Variants in LARP4B observed in about 807,000 individuals in gnomAD.
LARP4B encodes the protein La ribonucleoprotein 4B.
In LARP4B, 12 loss-of-function variants were observed where a neutral mutation model predicts 89.8. The observed-to-expected ratio is 0.13, with a 90% CI of 0.09 to 0.22. The LOEUF (loss-of-function observed/expected upper bound fraction) is 0.22, where lower values mean the gene tolerates loss of function less well. Among genes scored for constraint, LARP4B ranks in the 10% least tolerant of loss-of-function variants. The probability of loss-of-function intolerance (pLI) is 1.00; values close to 1 mark genes in which losing one functional copy is unlikely to be tolerated. For synonymous variants in LARP4B, 367 were observed against 363.3 expected (o/e 1.01, Z -0.12); for missense variants, 757 against 947.7 (o/e 0.80, Z 2.64).
At chr10:961,005 G>A in the LARP4B span, among the ~76,000 whole-genome samples, 40 of 152,278 alleles carry the variant, frequency 2.6e-4, no homozygotes, top group Non-Finnish European at 4.9e-4. Flanking sequence ...CAGCAGGAGC[G>A]GAAGCCCCGT....
At position 814,129 on chromosome 10, in the gene LARP4B, A is replaced by G. The variant is rs866513796; in HGVS notation, c.1929+613T>C. Among the ~76,000 whole-genome samples the G allele has an allele frequency of 3.2e-4, 48 of 151,594 alleles. No homozygotes were observed. Among genetic ancestry groups the G allele is most frequent in the Admixed American group, 2.6e-4 (4 of 15,256 alleles). Reference sequence around the variant, plus strand: ...TTTATTATTATTATTATTTATTATTAAAATTATTAATTTTAACCTATAAAA... The same window carrying G: ...TTTATTATTATTATTATTTATTATTGAAATTATTAATTTTAACCTATAAAA... On this transcript the variant is annotated intron_variant, in intron 17 of 17. Transcript: ENST00000316157. This position sits in a 1 kb window ranked among gnomAD's most constrained non-coding sequence, Gnocchi z 4.4.
chr10:838,382 GT>G (rs1350623820), intron 7 of LARP4B, among the ~76,000 whole-genome samples: 1 of 152,110 alleles, frequency 6.6e-6, no homozygotes, highest in Non-Finnish European at 1.5e-5. Context: ...ATAAAGGACT[GT>G]TAACATCAAA....
At chr10:873,869 T>C (rs918103217) in intron 3 of LARP4B, among the ~76,000 whole-genome samples, 5 of 152,174 alleles carry the variant, frequency 3.3e-5, no homozygotes, top group African/African-American at 7.2e-5. Flanking sequence ...CTAGCAAATA[T>C]AGTAAATATA....
chr10:854,868 T>A (rs1470319400), intron 5 of LARP4B, among the ~76,000 whole-genome samples: 2 of 152,212 alleles, frequency 1.3e-5, no homozygotes, highest in Non-Finnish European at 2.9e-5. Context: ...AACATTTCCT[T>A]CTAATATAAG....
the LARP4B span, among the ~76,000 whole-genome samples, chr10:974,738 T>C: frequency 6.6e-6 from 1 of 152,342 alleles, no homozygotes; most frequent in East Asian, 1.9e-4. Flanking sequence ...AGATGTAGTT[T>C]ACCTCAACCG....
intron 5 of LARP4B, among the ~76,000 whole-genome samples, chr10:858,277 G>A (rs895978446): frequency 4.6e-5 from 7 of 151,992 alleles, no homozygotes; most frequent in African/African-American, 1.5e-4. Flanking sequence ...TTTAACAGGC[G>A]TGCCACGATC....
chr10:901,571 GTTTTTT>G (rs1836346544), intron 1 of LARP4B, among the ~76,000 whole-genome samples: 1 of 151,830 alleles, frequency 6.6e-6, no homozygotes, highest in Non-Finnish European at 1.5e-5. Flanking sequence ...TTAGTCTTTT[GTTTTTT>G]TCAAGATTCA....
chr10:909,452 T>C (rs1002641704), intron 1 of LARP4B, among the ~76,000 whole-genome samples: 6 of 152,034 alleles, frequency 3.9e-5, no homozygotes, highest in Admixed American at 2.0e-4. Context: ...TATTAAAATA[T>C]AGTGAATGTC....
intron 3 of LARP4B, among the ~76,000 whole-genome samples, chr10:878,546 T>C (rs1200951898): frequency 6.6e-6 from 1 of 152,202 alleles, no homozygotes; most frequent in East Asian, 1.9e-4. Flanking sequence ...AAACTGAAAA[T>C]TGCTGTTTCA....
chr10:940,525 G>A, the LARP4B span, among the ~76,000 whole-genome samples: 3 of 152,252 alleles, frequency 2.0e-5, no homozygotes, highest in Admixed American at 6.5e-5. Context: ...GGAACGTGGC[G>A]GGGGGAGGGG....
At chr10:968,890 G>T in the LARP4B span, among the ~76,000 whole-genome samples, 1 of 152,212 alleles carries the variant, frequency 6.6e-6, no homozygotes, top group African/African-American at 2.4e-5. Flanking sequence ...ATAAATCACA[G>T]GATGCTGTGT....
chr10:872,784 C>T (rs922266243), intron 3 of LARP4B, among the ~76,000 whole-genome samples: 1 of 152,196 alleles, frequency 6.6e-6, no homozygotes, highest in African/African-American at 2.4e-5. Flanking sequence ...AGATCACAGA[C>T]CCCCTCAGAA....
the LARP4B span, among the ~76,000 whole-genome samples, chr10:937,580 G>A: frequency 2.0e-5 from 3 of 151,948 alleles, no homozygotes; most frequent in South Asian, 2.1e-4. Context: ...TAATAATGGC[G>A]GCCTGACCCC....
chr10:920,609 A>C (rs1399734490), intron 1 of LARP4B, among the ~76,000 whole-genome samples: 1 of 152,056 alleles, frequency 6.6e-6, no homozygotes. Flanking sequence ...CCCTGTCTCT[A>C]CTAAAACTAT....
In LARP4B at chr10:822,523, G is replaced by C. The variant is rs1015950499; in HGVS notation, c.1485-1678C>G. Among the ~76,000 whole-genome samples the C allele has an allele frequency of 5.3e-5, 8 of 152,164 alleles. No individual in the cohort carries two copies. Among genetic ancestry groups the C allele is most frequent in the African/African-American group, 1.9e-4 (8 of 41,442 alleles). ...CCAACACTCCCCCACACCCTCACTG[G>C]GCTCCACGTAACCCGTGTCAGACCC... is the stretch of plus-strand genomic sequence containing the variant. On this transcript the variant is annotated intron_variant, in intron 13 of 17. Transcript: ENST00000316157. This position sits in a 1 kb window ranked among gnomAD's most constrained non-coding sequence, Gnocchi z 4.6.
At chr10:816,735 T>A (rs1381627623) in intron 15 of LARP4B, among the ~76,000 whole-genome samples, 1 of 152,222 alleles carries the variant, frequency 6.6e-6, no homozygotes, top group Admixed American at 6.5e-5. Flanking sequence ...AATCCTGGAA[T>A]GTACTCAATC....
intron 5 of LARP4B, among the ~76,000 whole-genome samples, chr10:856,095 T>C (rs1318461927): frequency 6.6e-6 from 1 of 152,026 alleles, no homozygotes; most frequent in African/African-American, 2.4e-5. Flanking sequence ...ATGTAAAATC[T>C]AAAGCAATTA....
At chr10:885,501 C>T (rs1835828024) in intron 2 of LARP4B, 140 bp downstream of exon 2, 1 of 533,890 alleles carries the variant, frequency 1.9e-6, no homozygotes, top group Non-Finnish European at 3.3e-6. Flanking sequence ...AATCTTTTCT[C>T]CCCTACGAGA....
At chr10:981,391 T>C in the LARP4B span, among the ~76,000 whole-genome samples, 1 of 152,188 alleles carries the variant, frequency 6.6e-6, no homozygotes, top group Non-Finnish European at 1.5e-5. Flanking sequence ...AATGCTCCAC[T>C]CGTTGGTACC....
Sources: allele counts gnomAD v4.1 joint callset (sites outside exome capture counted in the v4.1 genomes callset), GRCh38; gene constraint gnomAD v4.1.1; non-coding constraint Gnocchi (gnomAD v3.1); transcripts MANE v1.5; gene names NCBI Gene and HGNC (gene_info 2026-07-23, HGNC 2026-07-21).